Variants in NPTXR observed in about 807,000 individuals in gnomAD.
NPTXR encodes the protein neuronal pentraxin receptor.
In NPTXR, 12 loss-of-function variants were observed where a neutral mutation model predicts 32.2. The ratio of observed to expected loss-of-function variants is 0.37; its 90% confidence interval spans 0.24 to 0.60. The LOEUF is 0.60. NPTXR is among the 20% of genes least tolerant of loss of function. The pLI is 0.66. For synonymous variants in NPTXR, 323 were observed against 315.8 expected (o/e 1.02, Z -0.24); for missense variants, 612 against 682.9 (o/e 0.90, Z 1.16).
intron 1 of NPTXR, among the ~76,000 whole-genome samples, chr22:38,840,529 G>A (rs185341627): frequency 2.3e-3 from 347 of 152,174 alleles, no homozygotes; most frequent in Non-Finnish European, 3.6e-3. Context: ...CGTGTACAGA[G>A]ATGAGGCCAA....
chr22:38,827,089 C>G (rs2093108325), intron 2 of NPTXR, among the ~76,000 whole-genome samples: 1 of 152,154 alleles, frequency 6.6e-6, no homozygotes, highest in Non-Finnish European at 1.5e-5. Context: ...ACCTAGGATG[C>G]TGGCCCTGAG....
At chr22:38,825,564 G>T (rs2093105085) in intron 3 of NPTXR, among the ~76,000 whole-genome samples, 1 of 152,112 alleles carries the variant, frequency 6.6e-6, no homozygotes, top group South Asian at 2.1e-4. Context: ...AACCCTAAGA[G>T]ACAAGAGTTC....
At chr22:38,835,099 A>G (rs2093122009) in intron 1 of NPTXR, among the ~76,000 whole-genome samples, 1 of 152,224 alleles carries the variant, frequency 6.6e-6, no homozygotes, top group Admixed American at 6.5e-5. Flanking sequence ...GGCCCTTGAC[A>G]GGCCTGGTGC....
In NPTXR at chr22:38,843,215, C is replaced by G; in HGVS notation, c.624+20G>C. On this transcript the variant is annotated intron_variant, in intron 1 of 4. Transcript: ENST00000333039. This position sits in a 1 kb window ranked among gnomAD's most constrained non-coding sequence, Gnocchi z 5.3. ...CCTCACACCACCCGGGCGGCTCCCC[C>G]GACGGCGCGCGGCGCTCACCTCCAG... The G allele has an allele frequency of 7.7e-7, 1 of 1,305,366 alleles. No homozygotes were observed. Among genetic ancestry groups the G allele is most frequent in the Non-Finnish European group, 9.7e-7 (1 of 1,032,934 alleles). The allele number at this position is 1,305,366 out of a possible 1,614,324, so 80.9% of individuals were successfully genotyped here. A position where few individuals can be genotyped will look rare whatever the true frequency, so the allele number is the denominator to read the frequency against.
At chr22:38,826,365 C>T in intron 3 of NPTXR, 135 bp downstream of exon 3, 1 of 1,108,894 alleles carries the variant, frequency 9.0e-7, no homozygotes, top group Non-Finnish European at 1.3e-6. Context: ...CAGCCTAGCA[C>T]ACGGTAGGTA....
At position 38,823,121 on chromosome 22, in the gene NPTXR, T is replaced by C. The variant is rs1556029881; in HGVS notation, c.1240A>G (p.Ile414Val). The C allele has an allele frequency of 6.2e-7, 1 of 1,614,170 alleles. No homozygotes were observed. The highest frequency in any genetic ancestry group is 8.5e-7 in the Non-Finnish European group (1 of 1,180,020). ...AAGATAAGGATCCCATGAGGCTTGATGGGGTGCCAGGCAGCCAGGTTCTCA... is the reference window on the plus strand; with the variant it reads ...AAGATAAGGATCCCATGAGGCTTGACGGGGTGCCAGGCAGCCAGGTTCTCA... Residue 414 changes from isoleucine to valine, a missense_variant, in exon 4 of 5, where the codon ATC becomes GTC. Ile to Val is a conservative substitution (Grantham distance 29, BLOSUM62 3). Coordinates refer to ENST00000333039, the MANE Select transcript of NPTXR (RefSeq NM_014293.4).
chr22:38,823,230 A>G lies in NPTXR; in HGVS notation c.1131T>C (p.Asn377=). 6.2e-7 allele frequency: 1 copy of G among 1,613,316 alleles called. No individual in the cohort carries two copies. Among genetic ancestry groups the G allele is most frequent in the Non-Finnish European group, 8.5e-7 (1 of 1,179,996 alleles). ...AGGCGATGCAGATGTGGTGCCAGCC[A>G]TTGTCCTTCAGGCTCAGGGGCAGCT... Residue 377 remains asparagine (N), a synonymous_variant, in exon 4 of 5, where the codon AAT becomes AAC. Coordinates refer to ENST00000333039, the MANE Select transcript of NPTXR (RefSeq NM_014293.4).
intron 1 of NPTXR, among the ~76,000 whole-genome samples, chr22:38,840,735 C>T (rs2093130607): frequency 6.6e-6 from 1 of 152,090 alleles, no homozygotes; most frequent in African/African-American, 2.4e-5. Context: ...TTTGGGGCCC[C>T]TCCGTGGAAT....
intron 3 of NPTXR, among the ~76,000 whole-genome samples, chr22:38,824,429 A>G (rs1490036740): frequency 1.3e-5 from 2 of 152,136 alleles, no homozygotes; most frequent in Non-Finnish European, 2.9e-5. Context: ...GGGCAATGCT[A>G]TAAGACAAAA....
intron 2 of NPTXR, among the ~76,000 whole-genome samples, chr22:38,827,894 A>G (rs2093109743): frequency 6.6e-6 from 1 of 152,144 alleles, no homozygotes; most frequent in African/African-American, 2.4e-5. Context: ...GTCATTGAAA[A>G]TGCTATTTTG....
rs777382208 is a variant in NPTXR, at chr22:38,826,608, G to A, written c.990C>T (p.Ser330=). The A allele has an allele frequency of 2.9e-5, 47 of 1,614,126 alleles. No homozygotes were observed. The highest frequency in any genetic ancestry group is 3.8e-5 in the Non-Finnish European group (45 of 1,180,050). The change falls in exon 3 of 5, where the codon AGC becomes AGT. Residue 330 remains serine (S), a synonymous_variant. Transcript: ENST00000333039. ...AGAAGGGGGTGCCCTGGCCGGTGCC[G>A]CTGGACCTGGACCGCAGCCACATGC...
intron 1 of NPTXR, among the ~76,000 whole-genome samples, chr22:38,838,782 C>T (rs1376032106): frequency 8.6e-5 from 13 of 152,024 alleles, no homozygotes; most frequent in Middle Eastern, 3.4e-3. Context: ...GGGGTTTCAC[C>T]GTGTTAGCCA....
In NPTXR at chr22:38,826,546, A is replaced by C; in HGVS notation, c.1052T>G (p.Leu351Arg). The C allele has an allele frequency of 1.2e-6, 2 of 1,614,070 alleles. No individual in the cohort carries two copies. Among genetic ancestry groups the C allele is most frequent in the Non-Finnish European group, 1.7e-6 (2 of 1,179,956 alleles). Reference sequence around the variant, plus strand: ...CATGGGCTCATGGCCCGCCTCTAGCAGTACAATCTCGTTGGCCTGCCCGGG... The same window carrying C: ...CATGGGCTCATGGCCCGCCTCTAGCCGTACAATCTCGTTGGCCTGCCCGGG... Residue 351 changes from leucine to arginine, a missense_variant, in exon 3 of 5, where the codon CTG becomes CGG. Transcript: ENST00000333039.
chr22:38,834,943 G>T lies in NPTXR; in HGVS notation c.625-6431C>A, dbSNP rs952543705. Among the ~76,000 whole-genome samples the T allele has an allele frequency of 1.3e-5, 2 of 152,212 alleles. No individual in the cohort carries two copies. The highest frequency in any genetic ancestry group is 4.8e-5 in the African/African-American group (2 of 41,446). ...GAGGCAGGAGAGCATAATGTGTCAT[G>T]GTGCAGGCCCTGGAGCCAGACTGCC... On this transcript the variant is annotated intron_variant, in intron 1 of 4. Transcript: ENST00000333039. The surrounding 1 kb of genome is among the most constrained non-coding windows in gnomAD (Gnocchi z 4.4).
At chr22:38,835,835 A>G (rs971779906) in intron 1 of NPTXR, among the ~76,000 whole-genome samples, 1 of 152,140 alleles carries the variant, frequency 6.6e-6, no homozygotes, top group Non-Finnish European at 1.5e-5. Context: ...GGGCTGTGGA[A>G]GCACATAAGT....
At position 38,819,619 on chromosome 22, in the gene NPTXR, C is replaced by T. The variant is rs893377453; in HGVS notation, c.*2990G>A. On this transcript the variant is annotated 3_prime_UTR_variant, in exon 5 of 5. Coordinates refer to ENST00000333039, the MANE Select transcript of NPTXR (RefSeq NM_014293.4). Reference sequence around the variant, plus strand: ...TCACCTCTCTGTGCCCCAGTTTCCTCACCTGTCTAACGGAGCCAAGAACGT... The same window carrying T: ...TCACCTCTCTGTGCCCCAGTTTCCTTACCTGTCTAACGGAGCCAAGAACGT... 10 of 152,342 alleles carry T rather than the reference C, an allele frequency of 6.6e-5. No individual in the cohort carries two copies. Among genetic ancestry groups the T allele is most frequent in the African/African-American group, 2.4e-4 (10 of 41,432 alleles). The allele number at this position is 152,342 out of a possible 1,614,324, so 9.4% of individuals were successfully genotyped here.
At chr22:38,836,396 C>A (rs1333061485) in intron 1 of NPTXR, among the ~76,000 whole-genome samples, 1 of 152,232 alleles carries the variant, frequency 6.6e-6, no homozygotes, top group Non-Finnish European at 1.5e-5. Flanking sequence ...TAAGGCTCGT[C>A]CGCGCAACGG....
At chr22:38,828,547 G>GGGGA (rs1568984800) in intron 1 of NPTXR, 35 bp from the exon 2 acceptor site, 1 of 1,510,382 alleles carries the variant, frequency 6.6e-7, no homozygotes. Flanking sequence ...AATCAACTGA[G>GGGGA]GGGAGGAAGG....
Position 38,838,566 on chromosome 22 carries a change from C to T in NPTXR, c.624+4669G>A, listed in dbSNP as rs1355553746. 4.7e-5 allele frequency among the ~76,000 whole-genome samples: 7 copies of T among 147,848 alleles called. No individual in the cohort carries two copies. In the South Asian group the frequency reaches 6.5e-4, roughly 14 times the overall value. The stretch of plus-strand genomic sequence containing the variant: ...GTGACTAGCACAGGCACCGCCCTCA[C>T]CTGGCTATTTTTTTTTTTTTTTTTT... On this transcript the variant is annotated intron_variant, in intron 1 of 4. Coordinates refer to ENST00000333039, the MANE Select transcript of NPTXR (RefSeq NM_014293.4).
Sources: allele counts gnomAD v4.1 joint callset (sites outside exome capture counted in the v4.1 genomes callset), GRCh38; gene constraint gnomAD v4.1.1; non-coding constraint Gnocchi (gnomAD v3.1); transcripts MANE v1.5; gene names NCBI Gene and HGNC (gene_info 2026-07-23, HGNC 2026-07-21).